RPS6KB2: variants seen among roughly 807,000 people sequenced by gnomAD.
RPS6KB2 encodes ribosomal protein S6 kinase beta-2.
A neutral mutation model predicts 58.2 loss-of-function variants in RPS6KB2; 51 were observed. The observed-to-expected ratio is 0.88, with a 90% CI of 0.70 to 1.11. RPS6KB2 has a LOEUF of 1.11. Ranked by LOEUF, RPS6KB2 falls within the 50% of genes least tolerant of loss-of-function variation. RPS6KB2 has a pLI of 0.00. For synonymous variants in RPS6KB2, 293 were observed against 258.6 expected (o/e 1.13, Z -1.28); for missense variants, 671 against 655.8 (o/e 1.02, Z -0.25).
At position 67,434,420 on chromosome 11, in the gene RPS6KB2, G is replaced by A. The variant is rs199639577; in HGVS notation, c.1091G>A (p.Arg364Gln). ...AGCCAGTTTGATACCCGCTTCACAC[G>A]GCAGACGCCGGTGGACAGTCCTGAT... is the stretch of plus-strand genomic sequence containing the variant. ...DVSQFDTRFTRQTPVDSPDDT... is the reference protein window; with the variant it reads ...DVSQFDTRFTQQTPVDSPDDT... The change falls in exon 13 of 15, where the codon CGG becomes CAG. Residue 364 changes from arginine to glutamine, a missense_variant. Transcript: ENST00000312629. 447 of 1,613,012 alleles carry A rather than the reference G, an allele frequency of 2.8e-4. No individual in the cohort carries two copies. Among genetic ancestry groups the A allele is most frequent in the Non-Finnish European group, 3.3e-4 (395 of 1,180,012 alleles).
At chr11:67,432,925 T>A (rs373040557) in intron 7 of RPS6KB2, 27 bp from the exon 8 acceptor site, 5 of 1,611,598 alleles carry the variant, frequency 3.1e-6, no homozygotes, top group Non-Finnish European at 3.4e-6. Context: ...GGGGCCCTGG[T>A]CACGCCTCTC....
Position 67,428,502 on chromosome 11 carries a change from C to T in RPS6KB2, c.-44C>T, listed in dbSNP as rs371993545. The T allele has an allele frequency of 6.4e-7, 1 of 1,551,402 alleles. No homozygotes were observed. The highest frequency in any genetic ancestry group is 8.8e-7 in the Non-Finnish European group (1 of 1,135,882). Reference sequence around the variant, plus strand: ...TTAGGTCCGGGACTGTCAGTCAGTGCGCGGCCAGGTACGGGCCGACGGGCC... The same window carrying T: ...TTAGGTCCGGGACTGTCAGTCAGTGTGCGGCCAGGTACGGGCCGACGGGCC... On this transcript the variant is annotated 5_prime_UTR_variant, in exon 1 of 15. Transcript: ENST00000312629.
At chr11:67,434,837 C>A in intron 14 of RPS6KB2, 143 bp downstream of exon 14, 1 of 992,204 alleles carries the variant, frequency 1.0e-6, no homozygotes, top group Non-Finnish European at 1.5e-6. Context: ...TCAGTTCCTA[C>A]ACCCCTTGTG....
At position 67,431,058 on chromosome 11, in the gene RPS6KB2, G is replaced by A. The variant is rs539464559; in HGVS notation, c.310-310G>A. ...TTTTTTTTTTTTTTTTTTTGAGATA[G>A]TGTCTCGCTCTGTCACCCAGGCTGG... On this transcript the variant is annotated intron_variant, in intron 4 of 14. Coordinates refer to ENST00000312629, the MANE Select transcript of RPS6KB2 (RefSeq NM_003952.3). 256 of 140,982 alleles carry A rather than the reference G, an allele frequency of 1.8e-3. 2 individuals are homozygous for A. The highest frequency in any genetic ancestry group is 4.1e-3 in the Admixed American group (53 of 12,976). 8.7% of individuals were successfully genotyped at this position (140,982 alleles called of 1,614,324 possible).
At chr11:67,432,028 TCTATTCA>T in intron 5 of RPS6KB2, 1 of 315,790 alleles carries the variant, frequency 3.2e-6, no homozygotes, top group South Asian at 2.7e-5. Flanking sequence ...TCCCAGCCCT[TCTATTCA>T]GAGTCCTGCG....
chr11:67,428,531 G>A lies in RPS6KB2; in HGVS notation c.-15G>A, dbSNP rs1395732413. 1.2e-6 allele frequency: 2 copies of A among 1,600,890 alleles called. No individual in the cohort carries two copies. Among genetic ancestry groups the A allele is most frequent in the Non-Finnish European group, 1.7e-6 (2 of 1,173,808 alleles). ...GCCAGGTACGGGCCGACGGGCCCGC[G>A]GGGCCGGCGCCGCCATGGCGGCCGT... On this transcript the variant is annotated 5_prime_UTR_variant, in exon 1 of 15. Transcript: ENST00000312629.
At chr11:67,434,920 CCTGA>C (rs1199757941) in intron 14 of RPS6KB2, 65 bp from the exon 15 acceptor site, 2 of 1,464,062 alleles carry the variant, frequency 1.4e-6, no homozygotes, top group East Asian at 2.3e-5. Flanking sequence ...GGCTGCCTTC[CCTGA>C]CTGAGTGCTG....
chr11:67,434,194 A>G lies in RPS6KB2; in HGVS notation c.970-4A>G. On this transcript the variant is annotated splice_polypyrimidine_tract_variant and splice_region_variant and intron_variant, in intron 11 of 14. Coordinates refer to ENST00000312629, the MANE Select transcript of RPS6KB2 (RefSeq NM_003952.3). ...AGTGGGTTTGGTGCATTCTCTACCTACAGAGACATCCCTTTTTCCGGCACA... is the reference window on the plus strand; with the variant it reads ...AGTGGGTTTGGTGCATTCTCTACCTGCAGAGACATCCCTTTTTCCGGCACA... 6.2e-7 allele frequency: 1 copy of G among 1,614,008 alleles called. No homozygotes were observed. Among genetic ancestry groups the G allele is most frequent in the Non-Finnish European group, 8.5e-7 (1 of 1,179,982 alleles).
chr11:67,434,507 T>C lies in RPS6KB2; in HGVS notation c.1155+23T>C. The C allele has an allele frequency of 1.9e-6, 3 of 1,603,484 alleles. No individual in the cohort carries two copies. In the South Asian group the frequency reaches 3.3e-5, roughly 18 times the overall value. The stretch of plus-strand genomic sequence containing the variant: ...CTGGTGAGTGCGGGGGCCTGAGGCC[T>C]GTGGGACCAGGGCACGGATCGTGAC... On this transcript the variant is annotated intron_variant, in intron 13 of 14. Transcript: ENST00000312629.
chr11:67,435,125 G>T lies in RPS6KB2; in HGVS notation c.1405G>T (p.Gly469Trp). The T allele has an allele frequency of 6.2e-7, 1 of 1,603,250 alleles. No homozygotes were observed. The highest frequency in any genetic ancestry group is 1.3e-5 in the African/African-American group (1 of 74,870). The change falls in exon 15 of 15, where the codon GGG becomes TGG. Residue 469 changes from glycine to tryptophan, a missense_variant. Transcript: ENST00000312629. ...CCCTCTCCCCATCCGTCCCCCCTCA[G>T]GGACCAAGAAGTCCAAGAGGGGCCG... The part of the protein sequence containing the change: ...TAPLPIRPPS[G>W]TKKSKRGRGR...
At position 67,428,593 on chromosome 11, in the gene RPS6KB2, G is replaced by C. The variant is rs1863918076; in HGVS notation, c.48G>C (p.Glu16Asp). Reference sequence around the variant, plus strand: ...ATTTGGAGACGGAGGAAGGCAGCGAGGGCGAGGGCGAGCCAGAGCTCAGCC... The same window carrying C: ...ATTTGGAGACGGAGGAAGGCAGCGACGGCGAGGGCGAGCCAGAGCTCAGCC... ...DLDLETEEGS[E>D]GEGEPELSPA... The change falls in exon 1 of 15, where the codon GAG becomes GAC. Residue 16 changes from glutamate (E) to aspartate (D), a missense_variant. By Grantham distance (45) the Glu-to-Asp change is conservative. Coordinates refer to ENST00000312629, the MANE Select transcript of RPS6KB2 (RefSeq NM_003952.3). The C allele has an allele frequency of 6.2e-7, 1 of 1,610,892 alleles. No homozygotes were observed. The highest frequency in any genetic ancestry group is 1.3e-5 in the African/African-American group (1 of 74,852).
chr11:67,435,016 GT>G lies in RPS6KB2; in HGVS notation c.1299del (p.Arg434GlyfsTer60). The G allele has an allele frequency of 6.2e-7, 1 of 1,613,554 alleles. No homozygotes were observed. Among genetic ancestry groups the G allele is most frequent in the African/African-American group, 1.3e-5 (1 of 75,038 alleles). ...SPLKFSPFEG[F>X]RPSPSLPEPT... The stretch of plus-strand genomic sequence containing the variant: ...CCCTCAAGTTCTCCCCTTTTGAGGG[GT>G]TTCGGCCCAGCCCCAGCCTGCCGGA... On this transcript the variant is annotated frameshift_variant, in exon 15 of 15. Transcript: ENST00000312629. LOFTEE classifies it high-confidence loss of function.
Position 67,432,758 on chromosome 11 carries a change from G to A in RPS6KB2, c.537G>A (p.Thr179=), listed in dbSNP as rs776372658. 1.9e-5 allele frequency: 31 copies of A among 1,614,010 alleles called. No individual in the cohort carries two copies. The highest frequency in any genetic ancestry group is 2.4e-5 in the Non-Finnish European group (28 of 1,180,008). Residue 179 remains threonine (T), a synonymous_variant, in exon 7 of 15, where the codon ACG becomes ACA. Coordinates refer to ENST00000312629, the MANE Select transcript of RPS6KB2 (RefSeq NM_003952.3). Reference sequence around the variant, plus strand: ...GCAGCTTCTACCTGGCTGAGATCACGCTGGCCCTGGGCCATCTCCACTCCC... The same window carrying A: ...GCAGCTTCTACCTGGCTGAGATCACACTGGCCCTGGGCCATCTCCACTCCC... The part of the protein sequence containing the change: ...DTACFYLAEI[T]LALGHLHSQG...
chr11:67,429,630 G>A, intron 4 of RPS6KB2, 35 bp downstream of exon 4: 1 of 1,523,202 alleles, frequency 6.6e-7, no homozygotes, highest in Non-Finnish European at 9.0e-7. Context: ...ATACTGTGTG[G>A]CTGCCATTCC....
At chr11:67,431,646 A>G in intron 5 of RPS6KB2, 131 bp downstream of exon 5, 1 of 742,988 alleles carries the variant, frequency 1.3e-6, no homozygotes, top group South Asian at 1.8e-5. Context: ...ACTCTGTCCT[A>G]CCCATCCATC....
At chr11:67,430,089 G>A (rs1049327075) in intron 4 of RPS6KB2, 3 of 155,316 alleles carry the variant, frequency 1.9e-5, no homozygotes, top group African/African-American at 7.3e-5. Flanking sequence ...TGGGATTACA[G>A]GCATGAGCCA....
intron 1 of RPS6KB2, 156 bp from the exon 2 acceptor site, chr11:67,428,825 TC>T: frequency 1.0e-6 from 1 of 1,001,628 alleles, no homozygotes; most frequent in South Asian, 1.4e-5. Context: ...CTCCCGATTC[TC>T]CCTTTCCTGC....
At chr11:67,431,324 C>T (rs759999134) in intron 4 of RPS6KB2, 44 bp from the exon 5 acceptor site, 2 of 1,602,094 alleles carry the variant, frequency 1.2e-6, no homozygotes, top group Non-Finnish European at 1.7e-6. Flanking sequence ...GCCACTGTGC[C>T]CAGCCTGGAT....
At position 67,428,557 on chromosome 11, in the gene RPS6KB2, G is replaced by C. The variant is rs931350270; in HGVS notation, c.12G>C (p.Val4=). ...GGGCCGGCGCCGCCATGGCGGCCGT[G>C]TTTGATTTGGATTTGGAGACGGAGG... MAA[V]FDLDLETEEG... The change falls in exon 1 of 15, where the codon GTG becomes GTC. Residue 4 remains valine (V), a synonymous_variant. Transcript: ENST00000312629. 6.2e-7 allele frequency: 1 copy of C among 1,610,184 alleles called. No individual in the cohort carries two copies. The highest frequency in any genetic ancestry group is 1.1e-5 in the South Asian group (1 of 90,910).
Sources: allele counts gnomAD v4.1 joint callset, GRCh38; gene constraint gnomAD v4.1.1; transcripts MANE v1.5; gene names NCBI Gene and HGNC (gene_info 2026-07-23, HGNC 2026-07-21).